Variants in HEATR5A observed in about 807,000 individuals in gnomAD.
HEATR5A encodes HEAT repeat containing 5A.
A neutral mutation model predicts 218.8 loss-of-function variants in HEATR5A; 178 were observed. The ratio of observed to expected loss-of-function variants is 0.81; its 90% CI spans 0.72 to 0.92. The LOEUF (loss-of-function observed/expected upper bound fraction) is 0.92. Among genes scored for constraint, HEATR5A ranks in the 40% least tolerant of loss-of-function variants. The pLI, the probability that HEATR5A is intolerant of heterozygous loss-of-function variation, is 0.00. For synonymous variants in HEATR5A, 864 were observed against 871.6 expected (o/e 0.99, Z 0.15); for missense variants, 2,420 against 2,418.9 (o/e 1.00, Z -0.01).
intron 2 of HEATR5A, 97 bp downstream of exon 2, chr14:31,402,753 G>T: frequency 2.6e-6 from 3 of 1,149,898 alleles, no homozygotes; most frequent in Non-Finnish European, 3.6e-6. Context: ...ACATTGTAAA[G>T]CTAAATTAGG....
chr14:31,368,852 G>T (rs1901909617), intron 13 of HEATR5A, among the ~76,000 whole-genome samples: 1 of 151,832 alleles, frequency 6.6e-6, no homozygotes, highest in Non-Finnish European at 1.5e-5. Context: ...ATGAGCCACT[G>T]CCCCAGCCAG....
At chr14:31,298,477 G>C (rs1299398587) in intron 33 of HEATR5A, among the ~76,000 whole-genome samples, 1 of 152,084 alleles carries the variant, frequency 6.6e-6, no homozygotes, top group African/African-American at 2.4e-5. Context: ...ATTATTATTT[G>C]TAGAGACAGT....
At chr14:31,407,239 C>T (rs997149550) in intron 1 of HEATR5A, among the ~76,000 whole-genome samples, 4 of 152,006 alleles carry the variant, frequency 2.6e-5, no homozygotes, top group South Asian at 2.1e-4. Context: ...AACAGCAAGC[C>T]GTGATCAAAA....
chr14:31,321,493 G>A lies in HEATR5A; in HGVS notation c.3969+6C>T, dbSNP rs1456482893. The A allele has an allele frequency of 6.4e-7, 1 of 1,567,570 alleles. No homozygotes were observed. The highest frequency in any genetic ancestry group is 8.7e-7 in the Non-Finnish European group (1 of 1,155,776). ...ATAATAAAATTCTCTAAAAGAAAGT[G>A]CTTACATTGGCTTGATACTGTTCCA... is the stretch of plus-strand genomic sequence containing the variant. On this transcript the variant is annotated splice_donor_region_variant and intron_variant, in intron 25 of 35. Transcript: ENST00000543095.
chr14:31,309,276 G>A (rs1899657557), intron 28 of HEATR5A, 94 bp from the exon 29 acceptor site: 12 of 1,388,076 alleles, frequency 8.6e-6, no homozygotes, highest in Admixed American at 2.0e-5. Context: ...CCATCACTCC[G>A]AAAGTTCCCT....
At chr14:31,377,193 T>G (rs1159482328) in intron 11 of HEATR5A, among the ~76,000 whole-genome samples, 1 of 150,550 alleles carries the variant, frequency 6.6e-6, no homozygotes, top group African/African-American at 2.4e-5. Flanking sequence ...GAGAAACGGC[T>G]GATGGCAAGC....
At chr14:31,359,085 A>G (rs776271706) in intron 14 of HEATR5A, 28 bp from the exon 15 acceptor site, 2 of 1,582,380 alleles carry the variant, frequency 1.3e-6, no homozygotes, top group South Asian at 2.4e-5. Context: ...AAGAGCAATT[A>G]GTACTATTAA....
intron 13 of HEATR5A, among the ~76,000 whole-genome samples, chr14:31,365,009 G>C (rs913811874): frequency 6.6e-6 from 1 of 151,928 alleles, no homozygotes; most frequent in Admixed American, 6.6e-5. Flanking sequence ...CCAATAGCTG[G>C]GACTACAGGT....
intron 22 of HEATR5A, among the ~76,000 whole-genome samples, chr14:31,327,083 TC>T (rs200965432): frequency 0.016 from 2,390 of 151,970 alleles, 62 homozygotes; most frequent in African/African-American, 0.054. Flanking sequence ...GAATTGGTTC[TC>T]CTGCCTCAGT....
At chr14:31,299,374 C>T (rs1899290588) in intron 33 of HEATR5A, among the ~76,000 whole-genome samples, 1 of 152,178 alleles carries the variant, frequency 6.6e-6, no homozygotes, top group African/African-American at 2.4e-5. Flanking sequence ...TACACTGCTG[C>T]CAAGAGCGAA....
chr14:31,409,579 A>G (rs2031204335), intron 1 of HEATR5A, among the ~76,000 whole-genome samples: 1 of 152,126 alleles, frequency 6.6e-6, no homozygotes, highest in Non-Finnish European at 1.5e-5. Flanking sequence ...GCACACCTGT[A>G]GTCCCAGCTG....
At chr14:31,417,915 T>C (rs923062148) in intron 1 of HEATR5A, among the ~76,000 whole-genome samples, 3 of 152,070 alleles carry the variant, frequency 2.0e-5, no homozygotes, top group African/African-American at 7.2e-5. Flanking sequence ...GATTAATAAG[T>C]AAAAGTGAGG....
intron 22 of HEATR5A, among the ~76,000 whole-genome samples, chr14:31,334,788 T>C (rs1021130545): frequency 6.6e-6 from 1 of 151,588 alleles, no homozygotes; most frequent in African/African-American, 2.4e-5. Flanking sequence ...CTACTAAAAA[T>C]ATAAAAAATT....
chr14:31,328,559 T>C (rs1900348532), intron 22 of HEATR5A, among the ~76,000 whole-genome samples: 1 of 152,106 alleles, frequency 6.6e-6, no homozygotes, highest in Non-Finnish European at 1.5e-5. Context: ...TATAAAGACA[T>C]ACCCAAGACT....
intron 20 of HEATR5A, among the ~76,000 whole-genome samples, chr14:31,344,500 G>A (rs947680224): frequency 5.5e-5 from 2 of 36,370 alleles, no homozygotes; most frequent in Admixed American, 3.7e-4. Context: ...GGCTGGTCTC[G>A]AACTCCTGAC....
intron 12 of HEATR5A, 82 bp downstream of exon 12, chr14:31,374,734 T>C: frequency 1.5e-6 from 2 of 1,328,960 alleles, no homozygotes; most frequent in Non-Finnish European, 2.0e-6. Context: ...TCGTGTTAAA[T>C]AAAACATACA....
chr14:31,302,605 G>A lies in HEATR5A; in HGVS notation c.5240-86C>T, dbSNP rs867988845. 116 of 858,466 alleles carry A rather than the reference G, an allele frequency of 1.4e-4. 1 individual carries two copies. In the South Asian group the frequency reaches 1.9e-3, roughly 14 times the overall value. The allele number at this position is 858,466 out of a possible 1,614,324, so 53.2% of individuals were successfully genotyped here. On this transcript the variant is annotated intron_variant, in intron 32 of 35. Coordinates refer to ENST00000543095, the MANE Select transcript of HEATR5A (RefSeq NM_015473.4). ...AGAAATCATCAAGGAGTAAGACAAT[G>A]TCAGATTTTCAGTTTTTAAAAGATG... is the stretch of plus-strand genomic sequence containing the variant.
intron 6 of HEATR5A, among the ~76,000 whole-genome samples, chr14:31,391,267 G>A (rs34159200): frequency 0.28 from 42,136 of 151,974 alleles, 7,020 homozygotes; most frequent in Non-Finnish European, 0.38. Context: ...CTCCCAAGCA[G>A]CTGGAACTAC....
chr14:31,362,905 T>C (rs190576004), intron 14 of HEATR5A, among the ~76,000 whole-genome samples: 27 of 152,234 alleles, frequency 1.8e-4, no homozygotes, highest in African/African-American at 5.1e-4. Flanking sequence ...CTGGGCACAG[T>C]GGCTTATGCC....
Sources: allele counts gnomAD v4.1 joint callset (sites outside exome capture counted in the v4.1 genomes callset), GRCh38; gene constraint gnomAD v4.1.1; transcripts MANE v1.5; gene names NCBI Gene and HGNC (gene_info 2026-07-23, HGNC 2026-07-21).